FAM131B: variants seen among roughly 807,000 people sequenced by gnomAD.
FAM131B encodes the protein family with sequence similarity 131 member B.
A neutral mutation model predicts 42.0 loss-of-function variants in FAM131B; 19 were observed. That is an observed-to-expected ratio of 0.45 (90% CI 0.32 to 0.66). The LOEUF is 0.66. FAM131B is among the 30% of genes least tolerant of loss of function. FAM131B has a pLI of 0.05. For synonymous variants in FAM131B, 183 were observed against 177.6 expected, an observed-to-expected ratio of 1.03 and a Z score of -0.24; for missense variants, 370 against 468.4, an observed-to-expected ratio of 0.79 and a Z score of 1.94.
At position 143,359,604 on chromosome 7, in the gene FAM131B, G is replaced by A. The variant is rs1365214958; in HGVS notation, c.174+128C>T. 1 of 1,035,090 alleles carries A rather than the reference G, an allele frequency of 9.7e-7. No individual in the cohort carries two copies. 64.1% of individuals were successfully genotyped at this position (1,035,090 alleles called of 1,614,324 possible). On this transcript the variant is annotated intron_variant, in intron 3 of 6. Transcript: ENST00000443739. This position sits in a 1 kb window ranked among gnomAD's most constrained non-coding sequence, Gnocchi z 5.4. ...AGTGCTCTGGAAAACTGGGGCACAGGTTGAGAACGTGAGTGCTCACAGTGC... is the reference window on the plus strand; with the variant it reads ...AGTGCTCTGGAAAACTGGGGCACAGATTGAGAACGTGAGTGCTCACAGTGC...
At chr7:143,360,175 C>G (rs13244040) in intron 1 of FAM131B, 26 bp from the exon 2 acceptor site, 19 of 1,579,400 alleles carry the variant, frequency 1.2e-5, no homozygotes, top group African/African-American at 6.8e-5. Context: ...GGTTAGCCGC[C>G]GGCCCTCACC....
Position 143,356,476 on chromosome 7 carries a change from T to TG in FAM131B, c.*73dup. 3.6e-6 allele frequency: 4 copies of TG among 1,125,622 alleles called. No individual in the cohort carries two copies. The highest frequency in any genetic ancestry group is 2.6e-6 in the Non-Finnish European group (2 of 758,936). The allele number at this position is 1,125,622 out of a possible 1,614,324, so 69.7% of individuals were successfully genotyped here. ...GTCTGCCCAGTTTCAGCTGTACTGCTGGGGGGAGGGAGGGTATGGGTCACA... is the reference window on the plus strand; with the variant it reads ...GTCTGCCCAGTTTCAGCTGTACTGCTGGGGGGGAGGGAGGGTATGGGTCACA... On this transcript the variant is annotated 3_prime_UTR_variant, in exon 7 of 7. Transcript: ENST00000443739. The surrounding 1 kb of genome is among the most constrained non-coding windows in gnomAD (Gnocchi z 4.4).
At chr7:143,378,034 G>A in the FAM131B span, among the ~76,000 whole-genome samples, 1 of 152,166 alleles carries the variant, frequency 6.6e-6, no homozygotes, top group African/African-American at 2.4e-5. Flanking sequence ...TATATTTAAA[G>A]TGCTTAGCAT....
the FAM131B span, chr7:143,381,785 C>T: frequency 1.3e-6 from 2 of 1,557,430 alleles, no homozygotes; most frequent in East Asian, 4.8e-5. Flanking sequence ...GGAAGGTATG[C>T]GGCGGGGCTT....
At chr7:143,379,347 G>C in the FAM131B span, among the ~76,000 whole-genome samples, 16 of 152,178 alleles carry the variant, frequency 1.1e-4, no homozygotes, top group Non-Finnish European at 1.6e-4. Context: ...CAGGCCCAGG[G>C]CTGGCTTGAG....
Position 143,353,713 on chromosome 7 carries a change from G to A in FAM131B, c.*2837C>T, listed in dbSNP as rs1803522193. The A allele has an allele frequency of 6.6e-6, 1 of 152,492 alleles. No homozygotes were observed. Among genetic ancestry groups the A allele is most frequent in the African/African-American group, 2.4e-5 (1 of 41,384 alleles). 9.4% of individuals were successfully genotyped at this position (152,492 alleles called of 1,614,324 possible). A position where few individuals can be genotyped will look rare whatever the true frequency, so the allele number is the denominator to read the frequency against. ...AGGATGGTGTGTGGGATGTATAGGT[G>A]AGGTCGTGGAGAAGATAATAAACTC... On this transcript the variant is annotated 3_prime_UTR_variant, in exon 7 of 7. Coordinates refer to ENST00000443739, the MANE Select transcript of FAM131B (RefSeq NM_001031690.3).
Position 143,359,604 on chromosome 7 carries a change from G to T in FAM131B, c.174+128C>A, listed in dbSNP as rs1365214958. On this transcript the variant is annotated intron_variant, in intron 3 of 6. Coordinates refer to ENST00000443739, the MANE Select transcript of FAM131B (RefSeq NM_001031690.3). The surrounding 1 kb of genome is among the most constrained non-coding windows in gnomAD (Gnocchi z 5.4). The stretch of plus-strand genomic sequence containing the variant: ...AGTGCTCTGGAAAACTGGGGCACAG[G>T]TTGAGAACGTGAGTGCTCACAGTGC... 2.9e-6 allele frequency: 3 copies of T among 1,035,208 alleles called. No individual in the cohort carries two copies. Among genetic ancestry groups the T allele is most frequent in the Non-Finnish European group, 3.0e-6 (2 of 675,602 alleles). The allele number at this position is 1,035,208 out of a possible 1,614,324, so 64.1% of individuals were successfully genotyped here.
In FAM131B at chr7:143,358,504, T is replaced by G. The variant is rs80283575; in HGVS notation, c.466+323A>C. Among the ~76,000 whole-genome samples the G allele has an allele frequency of 0.016, 2,472 of 152,256 alleles. 81 individuals are homozygous for G. Among genetic ancestry groups the G allele is most frequent in the African/African-American group, 0.057 (2,350 of 41,526 alleles). On this transcript the variant is annotated intron_variant, in intron 5 of 6. Transcript: ENST00000443739. This position sits in a 1 kb window ranked among gnomAD's most constrained non-coding sequence, Gnocchi z 4.7. The stretch of plus-strand genomic sequence containing the variant: ...AGAGATCCCCAAGGCCTTTCTTTCT[T>G]TCAAAGACCAAGGTCTCCCCATTTT...
At chr7:143,368,214 C>T in the FAM131B span, among the ~76,000 whole-genome samples, 3 of 152,210 alleles carry the variant, frequency 2.0e-5, no homozygotes, top group African/African-American at 7.2e-5. Flanking sequence ...AGAGTCTGGG[C>T]AACCATGAGT....
Position 143,357,403 on chromosome 7 carries a change from T to G in FAM131B, c.487A>C (p.Ile163Leu). Residue 163 changes from isoleucine to leucine, a missense_variant, in exon 6 of 7, where the codon ATC becomes CTC. Ile to Leu is a conservative substitution (Grantham distance 5, BLOSUM62 2). Transcript: ENST00000443739. ...CAGGCCATGAGTGTGGCCTCAGAGA[T>G]AGCAAACTGCTCCATGACGCCTGGG... ...FLAGVMEQFA[I>L]SEATLMAWSS... 2 of 1,609,664 alleles carry G rather than the reference T, an allele frequency of 1.2e-6. No individual in the cohort carries two copies. Among genetic ancestry groups the G allele is most frequent in the South Asian group, 1.1e-5 (1 of 90,274 alleles).
At chr7:143,381,706 GC>G in the FAM131B span, 1 of 1,603,908 alleles carries the variant, frequency 6.2e-7, no homozygotes, top group Non-Finnish European at 8.5e-7. Flanking sequence ...GGGACAGCGA[GC>G]CTCCCCCGGC....
chr7:143,382,218 C>T, the FAM131B span: 3 of 1,597,712 alleles, frequency 1.9e-6, no homozygotes, highest in African/African-American at 2.7e-5. Flanking sequence ...AGAGGGACCC[C>T]GGCCGACGTC....
chr7:143,382,039 T>C, the FAM131B span: 2 of 603,128 alleles, frequency 3.3e-6, no homozygotes, highest in African/African-American at 1.9e-5. Context: ...TTTTCCGAAG[T>C]GTAACGGGAG....
chr7:143,368,301 A>G, the FAM131B span, among the ~76,000 whole-genome samples: 1 of 152,266 alleles, frequency 6.6e-6, no homozygotes, highest in Non-Finnish European at 1.5e-5. Context: ...TTAAAGGTCA[A>G]GCCAATCCCA....
chr7:143,356,372 G>C lies in FAM131B; in HGVS notation c.*178C>G. 1.7e-6 allele frequency: 1 copy of C among 593,128 alleles called. No individual in the cohort carries two copies. 36.7% of individuals were successfully genotyped at this position (593,128 alleles called of 1,614,324 possible). ...CAGTTCCCAGGCCTGTGGGTTTCTA[G>C]AGTGTAAGCCTGGATAAAATCCCAT... On this transcript the variant is annotated 3_prime_UTR_variant, in exon 7 of 7. Coordinates refer to ENST00000443739, the MANE Select transcript of FAM131B (RefSeq NM_001031690.3). The surrounding 1 kb of genome is among the most constrained non-coding windows in gnomAD (Gnocchi z 4.4).
chr7:143,373,247 G>T, the FAM131B span, among the ~76,000 whole-genome samples: 19 of 152,052 alleles, frequency 1.2e-4, no homozygotes, highest in African/African-American at 4.6e-4. Context: ...GTCAGGTGTG[G>T]TGGTGCGCAC....
the FAM131B span, chr7:143,380,643 CTAGA>C: frequency 1.0e-6 from 1 of 985,474 alleles, no homozygotes; most frequent in Non-Finnish European, 1.2e-6. The surrounding 1 kb of genome is among the most constrained non-coding windows in gnomAD (Gnocchi z 5.0). Flanking sequence ...ATGCGAATTC[CTAGA>C]AGCCTTAAGA....
intron 1 of FAM131B, chr7:143,360,985 G>A (rs1486067254): frequency 2.0e-5 from 3 of 152,210 alleles, no homozygotes; most frequent in Non-Finnish European, 4.4e-5. Context: ...GAGTCTTGCG[G>A]AAGAACTGCT....
In FAM131B at chr7:143,356,134, T is replaced by G; in HGVS notation, c.*416A>C. The G allele has an allele frequency of 5.3e-6, 1 of 187,630 alleles. No homozygotes were observed. Among genetic ancestry groups the G allele is most frequent in the South Asian group, 1.2e-4 (1 of 8,454 alleles). The allele number at this position is 187,630 out of a possible 1,614,324, so 11.6% of individuals were successfully genotyped here. ...AGAGTTGGGAAAAGCAAGAGTGAAATGGAGAAAGGAGGCATTCAGACAGCA... is the reference window on the plus strand; with the variant it reads ...AGAGTTGGGAAAAGCAAGAGTGAAAGGGAGAAAGGAGGCATTCAGACAGCA... On this transcript the variant is annotated 3_prime_UTR_variant, in exon 7 of 7. Coordinates refer to ENST00000443739, the MANE Select transcript of FAM131B (RefSeq NM_001031690.3). This position sits in a 1 kb window ranked among gnomAD's most constrained non-coding sequence, Gnocchi z 4.4.
Sources: allele counts gnomAD v4.1 joint callset (sites outside exome capture counted in the v4.1 genomes callset), GRCh38; gene constraint gnomAD v4.1.1; non-coding constraint Gnocchi (gnomAD v3.1); transcripts MANE v1.5; gene names NCBI Gene and HGNC (gene_info 2026-07-23, HGNC 2026-07-21).